SLC4A10: variants seen among roughly 807,000 people sequenced by gnomAD.
SLC4A10 encodes the protein solute carrier family 4 member 10.
A neutral mutation model predicts 137.7 loss-of-function variants in SLC4A10; 42 were observed. The observed-to-expected ratio is 0.30, with a 90% confidence interval of 0.24 to 0.39. The LOEUF (loss-of-function observed/expected upper bound fraction) is 0.39, where lower values mean the gene tolerates loss of function less well. Ranked by LOEUF, SLC4A10 falls within the 10% of genes least tolerant of loss-of-function variation. SLC4A10 has a pLI of 1.00. For missense variants in SLC4A10, 925 were observed against 1,355.0 expected (o/e 0.68, Z 4.98); for synonymous variants, 474 against 464.1 (o/e 1.02, Z -0.27).
intron 15 of SLC4A10, among the ~76,000 whole-genome samples, chr2:161,937,344 C>CA (rs1691759543): frequency 6.6e-6 from 1 of 152,154 alleles, no homozygotes; most frequent in Non-Finnish European, 1.5e-5. Flanking sequence ...CCCCAGCACT[C>CA]AGTCTGCACA....
chr2:161,901,084 T>C (rs1211919394), intron 12 of SLC4A10, 73 bp downstream of exon 12: 2 of 1,125,054 alleles, frequency 1.8e-6, no homozygotes, highest in African/African-American at 1.6e-5. Context: ...GAAATTGCTA[T>C]TTTGGGATCT....
intron 1 of SLC4A10, among the ~76,000 whole-genome samples, chr2:161,668,144 T>A (rs2039291698): frequency 6.6e-6 from 1 of 151,846 alleles, no homozygotes; most frequent in South Asian, 2.1e-4. Context: ...ACTACTCCAC[T>A]GATTAAAGTA....
chr2:161,732,298 C>T (rs1173683159), intron 1 of SLC4A10, among the ~76,000 whole-genome samples: 1 of 152,180 alleles, frequency 6.6e-6, no homozygotes, highest in Non-Finnish European at 1.5e-5. Flanking sequence ...AGTGACTAGC[C>T]TCCATCCTGA....
At chr2:161,661,633 A>G (rs1246460436) in intron 1 of SLC4A10, among the ~76,000 whole-genome samples, 3 of 152,242 alleles carry the variant, frequency 2.0e-5, no homozygotes, top group Non-Finnish European at 4.4e-5. Flanking sequence ...AGATTTTCCT[A>G]GAATGCCTGT....
chr2:161,837,503 A>T (rs952480449), intron 3 of SLC4A10, among the ~76,000 whole-genome samples: 2 of 152,204 alleles, frequency 1.3e-5, no homozygotes, highest in Non-Finnish European at 2.9e-5. Flanking sequence ...CATTACACTT[A>T]AGGTACTATT....
At position 161,974,194 on chromosome 2, in the gene SLC4A10, T is replaced by C. The variant is rs1186400512; in HGVS notation, c.3160-55T>C. On this transcript the variant is annotated intron_variant, in intron 23 of 26. Transcript: ENST00000446997. ...ACATTAATCTGTGTTTCTTCTTTAATGTAAAATGGAGACTCATCAGGTTCA... is the reference window on the plus strand; with the variant it reads ...ACATTAATCTGTGTTTCTTCTTTAACGTAAAATGGAGACTCATCAGGTTCA... 9 of 1,394,770 alleles carry C rather than the reference T, an allele frequency of 6.5e-6. No homozygotes were observed. The East Asian group carries it at 1.7e-4, about 26-fold the overall frequency. The allele number at this position is 1,394,770 out of a possible 1,614,324, so 86.4% of individuals were successfully genotyped here. A position where few individuals can be genotyped will look rare whatever the true frequency, so the allele number is the denominator to read the frequency against.
intron 1 of SLC4A10, among the ~76,000 whole-genome samples, chr2:161,732,763 G>A (rs1489960511): frequency 1.3e-5 from 2 of 152,150 alleles, no homozygotes; most frequent in Non-Finnish European, 2.9e-5. Context: ...CTTGTTGAAT[G>A]GTTTTGCCCA....
chr2:161,679,858 T>C (rs1359992766), intron 1 of SLC4A10, among the ~76,000 whole-genome samples: 1 of 152,048 alleles, frequency 6.6e-6, no homozygotes, highest in African/African-American at 2.4e-5. Context: ...ATTCTTCAAC[T>C]TTTTCATATT....
chr2:161,970,107 A>T (rs1698269472), intron 23 of SLC4A10, among the ~76,000 whole-genome samples: 1 of 152,220 alleles, frequency 6.6e-6, no homozygotes, highest in Admixed American at 6.5e-5. Context: ...CTGGTGCTAA[A>T]GTTTGAGATA....
At chr2:161,752,938 A>T (rs1419024164) in intron 1 of SLC4A10, among the ~76,000 whole-genome samples, 8 of 152,108 alleles carry the variant, frequency 5.3e-5, no homozygotes, top group Non-Finnish European at 1.0e-4. Flanking sequence ...CATATAAGGC[A>T]GTGTGTATGT....
Position 161,984,681 on chromosome 2 carries a change from C to A in SLC4A10, c.*1529C>A, listed in dbSNP as rs890197301. 2.0e-5 allele frequency: 3 copies of A among 151,850 alleles called. No homozygotes were observed. Among genetic ancestry groups the A allele is most frequent in the Admixed American group, 1.3e-4 (2 of 15,240 alleles). 9.4% of individuals were successfully genotyped at this position (151,850 alleles called of 1,614,324 possible). ...TTCCCCTCACAATTCTTTAAGGAGCCCCCCTTTTTATGGAACATGAGCCTA... is the reference window on the plus strand; with the variant it reads ...TTCCCCTCACAATTCTTTAAGGAGCACCCCTTTTTATGGAACATGAGCCTA... On this transcript the variant is annotated 3_prime_UTR_variant, in exon 27 of 27. Coordinates refer to ENST00000446997, the MANE Select transcript of SLC4A10 (RefSeq NM_001178015.2).
intron 1 of SLC4A10, among the ~76,000 whole-genome samples, chr2:161,690,721 T>C (rs1166226459): frequency 1.3e-5 from 2 of 152,090 alleles, no homozygotes; most frequent in Admixed American, 6.6e-5. Context: ...TTCTCACTTA[T>C]AAGTGGGAGC....
At chr2:161,658,671 G>A (rs1399512581) in intron 1 of SLC4A10, among the ~76,000 whole-genome samples, 6 of 141,068 alleles carry the variant, frequency 4.3e-5, no homozygotes, top group African/African-American at 1.1e-4. Flanking sequence ...TCGGCTCACT[G>A]CAACCTCTGC....
intron 13 of SLC4A10, 36 bp from the exon 14 acceptor site, chr2:161,904,740 A>C: frequency 1.9e-6 from 3 of 1,611,794 alleles, no homozygotes; most frequent in Non-Finnish European, 2.5e-6. Flanking sequence ...CCTCCTGTAC[A>C]GCTTAGGTAA....
chr2:161,674,552 T>G lies in SLC4A10; in HGVS notation c.48+49986T>G, dbSNP rs148543612. Among the ~76,000 whole-genome samples the G allele has an allele frequency of 4.2e-3, 646 of 152,278 alleles. 5 individuals are homozygous for G. Among genetic ancestry groups the G allele is most frequent in the Non-Finnish European group, 8.2e-3 (560 of 68,012 alleles). ...GAAAAGTTTGATTTCTTGTTGAAAA[T>G]GCTGTTCTAATGAAAGGGGAGATAG... On this transcript the variant is annotated intron_variant, in intron 1 of 26. Transcript: ENST00000446997.
intron 3 of SLC4A10, among the ~76,000 whole-genome samples, chr2:161,824,732 T>C (rs1393010735): frequency 6.6e-6 from 1 of 152,188 alleles, no homozygotes; most frequent in Admixed American, 6.5e-5. Context: ...CATGGACCCT[T>C]CTATAATATG....
chr2:161,743,130 C>T (rs530036030), intron 1 of SLC4A10, among the ~76,000 whole-genome samples: 12 of 152,218 alleles, frequency 7.9e-5, no homozygotes, highest in African/African-American at 2.9e-4. Context: ...GATGTGATCC[C>T]ATTTGTGTAT....
chr2:161,785,591 G>A (rs545727039), intron 2 of SLC4A10, among the ~76,000 whole-genome samples: 20 of 151,814 alleles, frequency 1.3e-4, no homozygotes, highest in African/African-American at 4.8e-4. Flanking sequence ...TAAATGTGAT[G>A]TGCCACATTC....
chr2:161,933,224 T>C (rs1447139047), intron 15 of SLC4A10, among the ~76,000 whole-genome samples: 3 of 145,404 alleles, frequency 2.1e-5, no homozygotes, highest in Non-Finnish European at 3.1e-5. Flanking sequence ...TCTTTCTTTC[T>C]TTCTTTCTTT....
Sources: allele counts gnomAD v4.1 joint callset (sites outside exome capture counted in the v4.1 genomes callset), GRCh38; gene constraint gnomAD v4.1.1; transcripts MANE v1.5; gene names NCBI Gene and HGNC (gene_info 2026-07-23, HGNC 2026-07-21).